The following ABCA3 variants were observed in gnomAD, a reference collection of about 807,000 sequenced individuals.
ABCA3 encodes the protein phospholipid-transporting ATPase ABCA3.
A neutral mutation model predicts 172.8 loss-of-function variants in ABCA3; 88 were observed. That is an observed-to-expected ratio of 0.51 (90% CI 0.43 to 0.61). The LOEUF is 0.61. Among genes scored for constraint, ABCA3 ranks in the 20% least tolerant of loss-of-function variants. The pLI, the probability that ABCA3 is intolerant of heterozygous loss-of-function variation, is 0.00. For synonymous variants in ABCA3, 1,066 were observed against 983.8 expected (o/e 1.08, Z -1.56); for missense variants, 2,164 against 2,301.0 (o/e 0.94, Z 1.22).
chr16:2,288,663 G>C (rs539636246), intron 20 of ABCA3, among the ~76,000 whole-genome samples: 1 of 152,266 alleles, frequency 6.6e-6, no homozygotes, highest in South Asian at 2.1e-4. Context: ...TCCTACCTCA[G>C]CCTCCCAAGT....
chr16:2,312,729 A>C lies in ABCA3; in HGVS notation c.1112-4106T>G, dbSNP rs1012386343. On this transcript the variant is annotated intron_variant, in intron 10 of 32. Coordinates refer to ENST00000301732, the MANE Select transcript of ABCA3 (RefSeq NM_001089.3). Reference sequence around the variant, plus strand: ...GTATTTTTAGTAGAGACGGGGTTTCACCATGTTGGCCAGGCTGGTCTCGAA... The same window carrying C: ...GTATTTTTAGTAGAGACGGGGTTTCCCCATGTTGGCCAGGCTGGTCTCGAA... Among the ~76,000 whole-genome samples the C allele has an allele frequency of 2.6e-5, 4 of 151,678 alleles. No homozygotes were observed. The East Asian group carries it at 7.7e-4, about 29-fold the overall frequency.
Position 2,324,392 on chromosome 16 carries a change from C to T in ABCA3, c.447+12G>A, listed in dbSNP as rs760156939. The stretch of plus-strand genomic sequence containing the variant: ...ATGGGCTGTGACTGCTCGGCCCGGC[C>T]GCACGTCTCACCGCCAGCGGCAGGG... On this transcript the variant is annotated intron_variant, in intron 6 of 32. Transcript: ENST00000301732. The T allele has an allele frequency of 1.1e-5, 18 of 1,586,202 alleles. No individual in the cohort carries two copies. Among genetic ancestry groups the T allele is most frequent in the African/African-American group, 4.0e-5 (3 of 74,574 alleles).
chr16:2,319,472 G>A (rs1226417340), intron 8 of ABCA3, 109 bp downstream of exon 8: 130 of 1,395,014 alleles, frequency 9.3e-5, no homozygotes, highest in Middle Eastern at 2.5e-4. Flanking sequence ...GCGACAGAGC[G>A]AGACTCCAAC....
Position 2,284,921 on chromosome 16 carries a change from G to C in ABCA3, c.3561C>G (p.Leu1187=). 3.1e-6 allele frequency: 5 copies of C among 1,613,976 alleles called. No homozygotes were observed. The highest frequency in any genetic ancestry group is 1.7e-4 in the Middle Eastern group (1 of 6,060). ...TGAGGGGGATGATGGCCCAGCCGTA[G>C]AGCAGGAGCAGCAGCAGGGTGTCAG... ...HMADTLLLLL[L]YGWAIIPLMY... is the part of the protein sequence containing the mutation. The change falls in exon 24 of 33, where the codon CTC becomes CTG. Residue 1187 remains leucine (L), a synonymous_variant. Coordinates refer to ENST00000301732, the MANE Select transcript of ABCA3 (RefSeq NM_001089.3). The surrounding 1 kb of genome is among the most constrained non-coding windows in gnomAD (Gnocchi z 5.9).
chr16:2,328,303 G>A (rs1046105358), intron 3 of ABCA3, 150 bp downstream of exon 3: 2 of 301,550 alleles, frequency 6.6e-6, no homozygotes, highest in African/African-American at 4.3e-5. Context: ...GCCGAGGCAG[G>A]AGGATCCCTT....
intron 20 of ABCA3, chr16:2,288,901 TC>T: frequency 5.6e-6 from 1 of 177,642 alleles, no homozygotes; most frequent in Non-Finnish European, 1.2e-5. Flanking sequence ...TCCCCTGCCC[TC>T]CCCCTGCCAC....
At chr16:2,304,724 G>A (rs1344468385) in intron 11 of ABCA3, among the ~76,000 whole-genome samples, 4 of 143,500 alleles carry the variant, frequency 2.8e-5, no homozygotes, top group Non-Finnish European at 6.1e-5. Context: ...CTCCCAGGCT[G>A]GAGTGCAGTG....
intron 9 of ABCA3, 118 bp downstream of exon 9, chr16:2,317,530 C>T (rs1164724033): frequency 6.3e-7 from 1 of 1,577,516 alleles, no homozygotes; most frequent in African/African-American, 1.3e-5. Flanking sequence ...GCTCCTCTCC[C>T]CCATGAGGGA....
Position 2,340,622 on chromosome 16 carries a change from G to C in ABCA3, c.-588C>G, listed in dbSNP as rs956302599. On this transcript the variant is annotated 5_prime_UTR_variant, in exon 1 of 33. Coordinates refer to ENST00000301732, the MANE Select transcript of ABCA3 (RefSeq NM_001089.3). Reference sequence around the variant, plus strand: ...CGGCCGGCGCGCGGCCCTCTCGCGGGGTCCCCTCCCTCGGCCACCCGGGCT... The same window carrying C: ...CGGCCGGCGCGCGGCCCTCTCGCGGCGTCCCCTCCCTCGGCCACCCGGGCT... 6.7e-6 allele frequency: 1 copy of C among 149,396 alleles called. No individual in the cohort carries two copies. The highest frequency in any genetic ancestry group is 1.5e-5 in the Non-Finnish European group (1 of 66,854). 9.3% of individuals were successfully genotyped at this position (149,396 alleles called of 1,614,324 possible).
At position 2,295,667 on chromosome 16, in the gene ABCA3, G is replaced by A. The variant is rs768544078; in HGVS notation, c.2337C>T (p.His779=). The A allele has an allele frequency of 4.3e-6, 7 of 1,613,966 alleles. No individual in the cohort carries two copies. The highest frequency in any genetic ancestry group is 5.9e-6 in the Non-Finnish European group (7 of 1,180,058). Residue 779 remains histidine, a synonymous_variant, in exon 18 of 33, where the codon CAC becomes CAT. Coordinates refer to ENST00000301732, the MANE Select transcript of ABCA3 (RefSeq NM_001089.3). ...NPEDISQLVH[H]HVPNATLESS... ...TCTCCAGCGTGGCGTTGGGCACGTG[G>A]TGGTGGACCAGCTGGGAGATGTCTT... is the stretch of plus-strand genomic sequence containing the variant.
At position 2,324,547 on chromosome 16, in the gene ABCA3, A is replaced by G. The variant is rs762039565; in HGVS notation, c.320-16T>C. On this transcript the variant is annotated splice_polypyrimidine_tract_variant and intron_variant, in intron 5 of 32. Transcript: ENST00000301732. ...AAGCCGCGCACTGCAAAGAGAGAGC[A>G]CGGGAGCTGTGGTTGCCCAATCGGC... 5 of 1,607,744 alleles carry G rather than the reference A, an allele frequency of 3.1e-6. No individual in the cohort carries two copies. The Admixed American group carries it at 8.3e-5, about 27-fold the overall frequency.
chr16:2,293,068 T>C (rs1168687291), intron 18 of ABCA3, among the ~76,000 whole-genome samples: 1 of 152,160 alleles, frequency 6.6e-6, no homozygotes, highest in Non-Finnish European at 1.5e-5. Flanking sequence ...TCTTTTTTTC[T>C]TTAGATGGAG....
Position 2,284,806 on chromosome 16 carries a change from G to A in ABCA3, c.3676C>T (p.Leu1226=), listed in dbSNP as rs775798596. Residue 1226 remains leucine, a synonymous_variant, in exon 24 of 33, where the codon CTG becomes TTG. Transcript: ENST00000301732. This position sits in a 1 kb window ranked among gnomAD's most constrained non-coding sequence, Gnocchi z 5.9. ...FNILSGIATF[L]MVTIMRIPAV... Reference sequence around the variant, plus strand: ...GGGATGCGCATGATGGTGACCATCAGGAAGGTGGCGATGCCTGACAGGATG... The same window carrying A: ...GGGATGCGCATGATGGTGACCATCAAGAAGGTGGCGATGCCTGACAGGATG... The A allele has an allele frequency of 1.2e-6, 2 of 1,613,924 alleles. No homozygotes were observed. The highest frequency in any genetic ancestry group is 3.3e-5 in the Admixed American group (2 of 60,006).
intron 17 of ABCA3, among the ~76,000 whole-genome samples, chr16:2,296,062 G>A (rs2093679303): frequency 6.6e-6 from 1 of 152,234 alleles, no homozygotes; most frequent in East Asian, 1.9e-4. Context: ...CCACGTGTGA[G>A]GGCTTCTGTC....
intron 11 of ABCA3, among the ~76,000 whole-genome samples, chr16:2,304,544 T>C (rs1036554306): frequency 6.8e-6 from 1 of 146,096 alleles, no homozygotes; most frequent in Non-Finnish European, 1.5e-5. Context: ...TCTTGCTCTG[T>C]CGCCCAGGCA....
chr16:2,281,517 AC>A lies in ABCA3; in HGVS notation c.4036-9del. 13 of 1,585,658 alleles carry A rather than the reference AC, an allele frequency of 8.2e-6. No homozygotes were observed. Among genetic ancestry groups the A allele is most frequent in the Non-Finnish European group, 1.1e-5 (13 of 1,163,944 alleles). On this transcript the variant is annotated splice_polypyrimidine_tract_variant and intron_variant, in intron 26 of 32. Coordinates refer to ENST00000301732, the MANE Select transcript of ABCA3 (RefSeq NM_001089.3). The surrounding 1 kb of genome is among the most constrained non-coding windows in gnomAD (Gnocchi z 4.7). Reference sequence around the variant, plus strand: ...CCGGGTGTATAATTCTGTCTGATTGACCAGGACAAAGACCGCATGCGTGAAC... The same window carrying A: ...CCGGGTGTATAATTCTGTCTGATTGACAGGACAAAGACCGCATGCGTGAAC...
At position 2,298,969 on chromosome 16, in the gene ABCA3, C is replaced by T. The variant is rs1040065020; in HGVS notation, c.1742-429G>A. 2.0e-5 allele frequency among the ~76,000 whole-genome samples: 3 copies of T among 152,118 alleles called. No homozygotes were observed. In the East Asian group the frequency reaches 5.8e-4, roughly 29 times the overall value. The stretch of plus-strand genomic sequence containing the variant: ...GGTTGAGCTGCTCCTGCGTGGTGGC[C>T]TCTGTTTTCACTGACCCTGTCAAGC... On this transcript the variant is annotated intron_variant, in intron 14 of 32. Transcript: ENST00000301732.
chr16:2,330,525 G>C (rs1238187522), intron 1 of ABCA3, among the ~76,000 whole-genome samples: 1 of 151,142 alleles, frequency 6.6e-6, no homozygotes, highest in East Asian at 2.0e-4. Context: ...TCACCACTTT[G>C]GCCAGGCTGG....
At chr16:2,320,107 T>A (rs1381746446) in intron 7 of ABCA3, among the ~76,000 whole-genome samples, 1 of 152,096 alleles carries the variant, frequency 6.6e-6, no homozygotes, top group African/African-American at 2.4e-5. Context: ...TGATCACTTT[T>A]TTTTTTTTTG....
Sources: gnomAD v4.1 joint callset for allele counts (sites outside exome capture counted in the v4.1 genomes callset) on GRCh38, gnomAD v4.1.1 for gene constraint, Gnocchi (gnomAD v3.1) non-coding constraint, MANE v1.5 for transcripts, NCBI Gene and HGNC (gene_info 2026-07-23, HGNC 2026-07-21) for gene names.